The following TMEM63C variants were observed in gnomAD, a reference collection of about 807,000 sequenced individuals.
The protein encoded by TMEM63C is osmosensitive cation channel TMEM63C.
TMEM63C carries 32 observed loss-of-function variants against 99.2 expected under a neutral mutation model. The ratio of observed to expected loss-of-function variants is 0.32; its 90% CI spans 0.24 to 0.43. The LOEUF is 0.43. Ranked by LOEUF, TMEM63C falls within the 20% of genes least tolerant of loss-of-function variation. The probability of loss-of-function intolerance (pLI) is 1.00; values close to 1 mark genes in which losing one functional copy is unlikely to be tolerated. For synonymous variants in TMEM63C, 376 were observed against 397.9 expected (o/e 0.94, Z 0.66); for missense variants, 826 against 1,053.0 (o/e 0.78, Z 2.98).
In TMEM63C at chr14:77,256,731, G is replaced by A. The variant is rs368501552; in HGVS notation, c.*5G>A. The A allele has an allele frequency of 4.3e-6, 7 of 1,613,054 alleles. No individual in the cohort carries two copies. In the African/African-American group the frequency reaches 6.7e-5, roughly 15 times the overall value. On this transcript the variant is annotated 3_prime_UTR_variant, in exon 24 of 24. Transcript: ENST00000298351. ...GGCCAGAACCAGTACCACTGACCGGGACCTGAGGCCTCCACTGGCGACTTG... is the reference window on the plus strand; with the variant it reads ...GGCCAGAACCAGTACCACTGACCGGAACCTGAGGCCTCCACTGGCGACTTG...
intron 8 of TMEM63C, among the ~76,000 whole-genome samples, chr14:77,233,826 G>A (rs74063854): frequency 0.018 from 2,746 of 152,232 alleles, 80 homozygotes; most frequent in African/African-American, 0.063. Flanking sequence ...AGAGATTGAA[G>A]ATTGTTTTCC....
chr14:77,220,924 T>TCACGCCCCGC (rs1888687868), intron 5 of TMEM63C, among the ~76,000 whole-genome samples: 1 of 3,608 alleles, frequency 2.8e-4, no homozygotes, highest in Admixed American at 3.9e-3. Context: ...TCACGCCTCC[T>TCACGCCCCGC]CTCCCACCCA....
intron 1 of TMEM63C, among the ~76,000 whole-genome samples, chr14:77,195,816 TC>T (rs1888204326): frequency 6.6e-6 from 1 of 152,228 alleles, no homozygotes; most frequent in South Asian, 2.1e-4. Flanking sequence ...AGCTCCCAGC[TC>T]ACCTACCTCA....
At chr14:77,194,881 G>A (rs916523385) in intron 1 of TMEM63C, among the ~76,000 whole-genome samples, 5 of 151,868 alleles carry the variant, frequency 3.3e-5, no homozygotes, top group African/African-American at 1.2e-4. Flanking sequence ...CATGCCTAGC[G>A]TGGATTTCGT....
intron 1 of TMEM63C, among the ~76,000 whole-genome samples, chr14:77,193,281 T>G (rs1021445158): frequency 2.0e-5 from 3 of 152,246 alleles, no homozygotes; most frequent in Admixed American, 2.0e-4. Flanking sequence ...TATGAGTTGC[T>G]GGGGCAGAGC....
intron 1 of TMEM63C, among the ~76,000 whole-genome samples, chr14:77,195,689 G>T (rs1297137437): frequency 6.6e-6 from 1 of 152,230 alleles, no homozygotes; most frequent in Non-Finnish European, 1.5e-5. Context: ...AGCAGCAAGG[G>T]AAGGTGGGGT....
chr14:77,233,634 C>T (rs1439926689), intron 8 of TMEM63C, 134 bp downstream of exon 8: 2 of 900,200 alleles, frequency 2.2e-6, no homozygotes, highest in Non-Finnish European at 3.5e-6. Flanking sequence ...GAATCGGGTC[C>T]TGAGTGAGAT....
chr14:77,199,835 C>A (rs748368542), intron 1 of TMEM63C, among the ~76,000 whole-genome samples: 9 of 152,154 alleles, frequency 5.9e-5, no homozygotes, highest in Non-Finnish European at 1.2e-4. Flanking sequence ...CTCCCAGCGA[C>A]ACTGTGATGA....
rs535884928 is a variant in TMEM63C, at chr14:77,184,975, G to A, written c.-77+3081G>A. Among the ~76,000 whole-genome samples the A allele has an allele frequency of 7.2e-5, 11 of 152,332 alleles. No individual in the cohort carries two copies. The East Asian group carries it at 2.1e-3, about 29-fold the overall frequency. ...TTTCTAGGGCAGGATATGTACTCAA[G>A]CTGCCACATTCCTTGCCAACACCCC... On this transcript the variant is annotated intron_variant, in intron 1 of 23. Coordinates refer to ENST00000298351, the MANE Select transcript of TMEM63C (RefSeq NM_020431.4).
intron 1 of TMEM63C, among the ~76,000 whole-genome samples, chr14:77,212,698 G>T (rs1231599745): frequency 2.6e-5 from 4 of 152,166 alleles, no homozygotes; most frequent in African/African-American, 9.7e-5. Flanking sequence ...TCTGCTTGCT[G>T]CCTGGGAAAG....
intron 18 of TMEM63C, among the ~76,000 whole-genome samples, chr14:77,247,689 G>A (rs1385621361): frequency 6.6e-6 from 1 of 152,156 alleles, no homozygotes; most frequent in African/African-American, 2.4e-5. Context: ...AACAAGTGTT[G>A]AGAATCCCAA....
chr14:77,222,236 G>T (rs1002698501), intron 5 of TMEM63C, among the ~76,000 whole-genome samples: 1 of 152,030 alleles, frequency 6.6e-6, no homozygotes, highest in African/African-American at 2.4e-5. Flanking sequence ...CTCTGACCTT[G>T]GTCTCAGACC....
chr14:77,248,458 C>T lies in TMEM63C; in HGVS notation c.1713C>T (p.Ser571=), dbSNP rs1443256801. The part of the protein sequence containing the change: ...LLRLGSLFCY[S]TRLFFSRSEP... ...GTCTGGGGTCACTCTTCTGCTACAG[C>T]ACCCGCCTCTTCTTCTCTAGATCAG... Residue 571 remains serine (S), a synonymous_variant, in exon 19 of 24, where the codon AGC becomes AGT. Coordinates refer to ENST00000298351, the MANE Select transcript of TMEM63C (RefSeq NM_020431.4). 1.3e-6 allele frequency: 2 copies of T among 1,567,684 alleles called. No individual in the cohort carries two copies. The highest frequency in any genetic ancestry group is 1.9e-5 in the Admixed American group (1 of 52,806).
At chr14:77,254,615 A>C (rs1388281786) in intron 23 of TMEM63C, among the ~76,000 whole-genome samples, 1 of 152,132 alleles carries the variant, frequency 6.6e-6, no homozygotes, top group Non-Finnish European at 1.5e-5. Context: ...CACAGTAGGG[A>C]TTTTCATCCC....
rs575260263 is a variant in TMEM63C, at chr14:77,233,886, G to A, written c.542+386G>A. ...CGTCATATACCCGAGTGAATCATGT[G>A]CCTGACAGTCCCCCTCAGAGTCCCA... On this transcript the variant is annotated intron_variant, in intron 8 of 23. Coordinates refer to ENST00000298351, the MANE Select transcript of TMEM63C (RefSeq NM_020431.4). Among the ~76,000 whole-genome samples the A allele has an allele frequency of 7.3e-4, 111 of 152,280 alleles. 1 individual carries two copies. Among genetic ancestry groups the A allele is most frequent in the African/African-American group, 2.6e-3 (109 of 41,536 alleles).
chr14:77,194,534 TTTCTTTCTTTCTTTCTTTC>T (rs1368921887), intron 1 of TMEM63C, among the ~76,000 whole-genome samples: 2 of 41,546 alleles, frequency 4.8e-5, no homozygotes, highest in African/African-American at 1.2e-4. Context: ...TCTTTCTTTC[TTTCTTTCTTTCTTTCTTTC>T]TCTTTCTTTC....
chr14:77,228,917 A>G (rs963475459), intron 6 of TMEM63C, among the ~76,000 whole-genome samples: 2 of 152,166 alleles, frequency 1.3e-5, no homozygotes, highest in African/African-American at 4.8e-5. Flanking sequence ...GGGGTGGGTA[A>G]ACCATGGTGT....
At chr14:77,225,829 C>T (rs767638488) in intron 6 of TMEM63C, among the ~76,000 whole-genome samples, 19 of 152,152 alleles carry the variant, frequency 1.2e-4, no homozygotes, top group Middle Eastern at 3.4e-3. Flanking sequence ...ATCATGTGTT[C>T]GCCCTTCTGC....
Position 77,225,475 on chromosome 14 carries a change from C to T in TMEM63C, c.350+14C>T. 1.2e-6 allele frequency: 2 copies of T among 1,612,622 alleles called. No homozygotes were observed. The highest frequency in any genetic ancestry group is 1.7e-6 in the Non-Finnish European group (2 of 1,179,350). On this transcript the variant is annotated intron_variant, in intron 6 of 23. Transcript: ENST00000298351. ...CATAACAATGAAGTAAGTGCCCGGG[C>T]TCTGTGAGCTTGTGACCGTGTTGCC... is the stretch of plus-strand genomic sequence containing the variant.
Sources: gnomAD v4.1 joint callset for allele counts (sites outside exome capture counted in the v4.1 genomes callset) on GRCh38, gnomAD v4.1.1 for gene constraint, MANE v1.5 for transcripts, NCBI Gene and HGNC (gene_info 2026-07-23, HGNC 2026-07-21) for gene names.